The following STAG2 variants were observed in gnomAD, a reference collection of about 807,000 sequenced individuals.
STAG2 encodes cohesin subunit SA-2.
A neutral mutation model predicts 108.1 loss-of-function variants in STAG2; 14 were observed. That is an observed-to-expected ratio of 0.13 (90% CI 0.09 to 0.20). The LOEUF (loss-of-function observed/expected upper bound fraction) is 0.20. Among genes scored for constraint, STAG2 ranks in the 10% least tolerant of loss-of-function variants. STAG2 has a pLI of 1.00. For synonymous variants in STAG2, 307 were observed against 302.7 expected, an observed-to-expected ratio of 1.01 and a Z score of -0.15; for missense variants, 440 against 940.9, an observed-to-expected ratio of 0.47 and a Z score of 6.96.
At chrX:123,996,528 A>C (rs768041018) in intron 1 of STAG2, among the ~76,000 whole-genome samples, 1 of 111,478 alleles carries the variant, frequency 9.0e-6, no homozygotes, top group Non-Finnish European at 1.9e-5. Context: ...CATCCCTCCA[A>C]TATTCCTTGG....
At chrX:124,056,006 T>TTC (rs397707389) in intron 13 of STAG2, 122 bp from the exon 14 acceptor site, 2 of 361,742 alleles carry the variant, frequency 5.5e-6, no homozygotes, top group Non-Finnish European at 8.9e-6. Flanking sequence ...GTTTTTTTTT[T>TTC]CCTTTAACAC....
chrX:123,968,208 G>A (rs2054195445), intron 1 of STAG2, among the ~76,000 whole-genome samples: 1 of 111,985 alleles, frequency 8.9e-6, no homozygotes, highest in Non-Finnish European at 1.9e-5. Flanking sequence ...TGGGACCACC[G>A]TCTTATATGC....
chrX:124,030,958 C>A lies in STAG2; in HGVS notation c.124-3C>A. 2.5e-6 allele frequency: 3 copies of A among 1,187,131 alleles called. No individual in the cohort carries two copies. The highest frequency in any genetic ancestry group is 3.4e-6 in the Non-Finnish European group (3 of 885,705). On this transcript the variant is annotated splice_polypyrimidine_tract_variant and splice_region_variant and intron_variant, in intron 4 of 34. Transcript: ENST00000371145. ...ACTTAACCACCTCGTATTTTTTATG[C>A]AGACTTGTAAAAAAGGCAAAAAGGG...
intron 4 of STAG2, among the ~76,000 whole-genome samples, chrX:124,029,011 A>ATATATATTTATT (rs1556502224): frequency 1.2e-5 from 1 of 82,516 alleles, no homozygotes; most frequent in African/African-American, 4.6e-5. Context: ...ATATATATAT[A>ATATATATTTATT]TATTTATTTA....
chrX:123,977,832 GTTTTTTTT>G (rs35569156), intron 1 of STAG2, among the ~76,000 whole-genome samples: 17 of 38,574 alleles, frequency 4.4e-4, no homozygotes, highest in South Asian at 1.8e-3. Flanking sequence ...GTTCCCAAGT[GTTTTTTTT>G]TTTTTTTTTT....
Position 124,086,783 on chromosome X carries a change from TTTA to T in STAG2, c.3277+16_3277+18del. 2.7e-6 allele frequency: 3 copies of T among 1,097,900 alleles called. No individual in the cohort carries two copies. Among genetic ancestry groups the T allele is most frequent in the East Asian group, 3.0e-5 (1 of 32,873 alleles). 90.5% of individuals were successfully genotyped at this position (1,097,900 alleles called of 1,213,427 possible). A position where few individuals can be genotyped will look rare whatever the true frequency, so the allele number is the denominator to read the frequency against. ...CAGCTTTCACTCAGTAAGGATATAATTTATTCTCTTTATATTTATCCCTAATGT... is the reference window on the plus strand; with the variant it reads ...CAGCTTTCACTCAGTAAGGATATAATTTCTCTTTATATTTATCCCTAATGT... On this transcript the variant is annotated intron_variant, in intron 30 of 34. Coordinates refer to ENST00000371145, the MANE Select transcript of STAG2 (RefSeq NM_001042750.2).
intron 19 of STAG2, 22 bp from the exon 20 acceptor site, chrX:124,063,826 G>GA: frequency 8.4e-7 from 1 of 1,193,998 alleles, no homozygotes; most frequent in Non-Finnish European, 1.1e-6. Flanking sequence ...TAGTTTTGAT[G>GA]AAAAATATTA....
At chrX:124,021,255 T>C (rs2056917679) in intron 1 of STAG2, 112 bp from the exon 2 acceptor site, 1 of 112,101 alleles carries the variant, frequency 8.9e-6, no homozygotes, top group African/African-American at 3.2e-5. Context: ...TTGAGCTGTT[T>C]CTTGTGTGAT....
At chrX:124,056,327 T>TAA in intron 14 of STAG2, 92 bp downstream of exon 14, 1 of 442,244 alleles carries the variant, frequency 2.3e-6, no homozygotes, top group South Asian at 8.6e-5. Flanking sequence ...TATATATATA[T>TAA]AACTTATTTT....
intron 5 of STAG2, among the ~76,000 whole-genome samples, chrX:124,033,597 AC>A (rs2057411890): frequency 9.0e-6 from 1 of 110,955 alleles, no homozygotes; most frequent in African/African-American, 3.3e-5. Context: ...CCCAGTCTCT[AC>A]TAAAAATAAA....
intron 1 of STAG2, among the ~76,000 whole-genome samples, chrX:123,991,967 A>AAT (rs2055503579): frequency 8.8e-6 from 1 of 113,160 alleles, no homozygotes; most frequent in Non-Finnish European, 1.9e-5. Flanking sequence ...GCCTGGCCAC[A>AAT]ACAACTATTT....
intron 15 of STAG2, among the ~76,000 whole-genome samples, chrX:124,060,107 G>A (rs1186262055): frequency 9.0e-6 from 1 of 111,474 alleles, no homozygotes; most frequent in African/African-American, 3.3e-5. Context: ...CAAAGGAGTC[G>A]GGAAACAGTA....
chrX:123,977,830 G>GTTT (rs2054688435), intron 1 of STAG2, among the ~76,000 whole-genome samples: 8 of 71,382 alleles, frequency 1.1e-4, no homozygotes, highest in Admixed American at 1.7e-4. Flanking sequence ...TGGTTCCCAA[G>GTTT]TGTTTTTTTT....
At chrX:124,043,604 A>G (rs2057788059) in intron 7 of STAG2, among the ~76,000 whole-genome samples, 2 of 112,050 alleles carry the variant, frequency 1.8e-5, no homozygotes, top group African/African-American at 3.2e-5. Context: ...GTTATTATTG[A>G]CAAAAATGAA....
intron 10 of STAG2, 33 bp from the exon 11 acceptor site, chrX:124,050,153 T>C: frequency 1.2e-5 from 15 of 1,200,577 alleles, no homozygotes; most frequent in Non-Finnish European, 1.7e-5. Context: ...ATATTGGCAC[T>C]AATTATGCAT....
In STAG2 at chrX:124,102,436, T is replaced by C. The variant is rs1463254650; in HGVS notation, c.*1839T>C. The C allele has an allele frequency of 6.4e-6, 1 of 156,716 alleles. No individual in the cohort carries two copies. The highest frequency in any genetic ancestry group is 9.8e-5 in the East Asian group (1 of 10,181). 12.9% of individuals were successfully genotyped at this position (156,716 alleles called of 1,213,427 possible). On this transcript the variant is annotated 3_prime_UTR_variant, in exon 35 of 35. Coordinates refer to ENST00000371145, the MANE Select transcript of STAG2 (RefSeq NM_001042750.2). ...CCACATTCTATTGTCCTAATTGTAC[T>C]GTTTTCTGATTTGTATTTATGTCTT...
chrX:123,962,577 T>G (rs1027161036), intron 1 of STAG2, among the ~76,000 whole-genome samples: 1 of 111,580 alleles, frequency 9.0e-6, no homozygotes, highest in Non-Finnish European at 1.9e-5. Context: ...CCTAGAATGT[T>G]TTTTATGTTG....
intron 34 of STAG2, among the ~76,000 whole-genome samples, chrX:124,099,067 G>A (rs373200442): frequency 8.0e-5 from 9 of 111,947 alleles, no homozygotes; most frequent in African/African-American, 2.9e-4. Flanking sequence ...TCATTCTCTT[G>A]TGTTGAGATT....
intron 25 of STAG2, among the ~76,000 whole-genome samples, chrX:124,073,757 C>T (rs1373941208): frequency 9.0e-6 from 1 of 111,598 alleles, no homozygotes; most frequent in Non-Finnish European, 1.9e-5. Flanking sequence ...GCATTCTAGT[C>T]CAATGGAAGA....
Sources: gnomAD v4.1 joint callset for allele counts (sites outside exome capture counted in the v4.1 genomes callset) on GRCh38, gnomAD v4.1.1 for gene constraint, MANE v1.5 for transcripts, NCBI Gene and HGNC (gene_info 2026-07-23, HGNC 2026-07-21) for gene names.